KIAA1217: variants seen among roughly 807,000 people sequenced by gnomAD.
KIAA1217 encodes the protein KIAA1217, also known as sickle tail protein homolog.
Under a neutral mutation model 163.9 loss-of-function variants are expected in KIAA1217, and 88 were observed. The ratio of observed to expected loss-of-function variants is 0.54; its 90% CI spans 0.45 to 0.64. The LOEUF is 0.64. KIAA1217 is among the 30% of genes least tolerant of loss of function. KIAA1217 has a pLI of 0.00. For missense variants in KIAA1217, 2,372 were observed against 2,475.0 expected (o/e 0.96, Z 0.88); for synonymous variants, 903 against 923.1 (o/e 0.98, Z 0.39).
rs545721281 is a variant in KIAA1217 at position 24,032,652 on chromosome 10, C to A, written c.-171+25278C>A. Reference sequence around the variant, plus strand: ...TTTCAAAGTAAGTAAGAGGTCATGCCCACTAGAGTCACAAGTATGTAAAGC... The same window carrying A: ...TTTCAAAGTAAGTAAGAGGTCATGCACACTAGAGTCACAAGTATGTAAAGC... On this transcript the variant is annotated intron_variant, in intron 2 of 18. Coordinates refer to the KIAA1217 transcript ENST00000376462. Among the ~76,000 whole-genome samples the A allele has an allele frequency of 4.6e-5, 7 of 152,138 alleles. No homozygotes were observed. The South Asian group carries it at 1.5e-3, about 32-fold the overall frequency.
chr10:24,118,360 CA>C (rs1485575383), intron 2 of KIAA1217, among the ~76,000 whole-genome samples: 1 of 152,146 alleles, frequency 6.6e-6, no homozygotes, highest in African/African-American at 2.4e-5. Flanking sequence ...AGCGCAGAGA[CA>C]GCATATATGG....
chr10:24,529,502 A>G (rs1404612060), intron 14 of KIAA1217, among the ~76,000 whole-genome samples: 1 of 152,064 alleles, frequency 6.6e-6, no homozygotes, highest in East Asian at 1.9e-4. Context: ...ATATATATAT[A>G]TATATTTTTC....
At chr10:24,239,308 G>A (rs2072720285) in intron 2 of KIAA1217, 1 of 985,224 alleles carries the variant, frequency 1.0e-6, no homozygotes, top group Non-Finnish European at 1.2e-6. Flanking sequence ...TGCTTTAACT[G>A]CCGCCTCACC....
chr10:24,236,207 G>C (rs1466518233), intron 2 of KIAA1217, among the ~76,000 whole-genome samples: 2 of 152,078 alleles, frequency 1.3e-5, no homozygotes. Flanking sequence ...TTTTCTACCT[G>C]ACAACTTCCA....
chr10:24,204,887 T>C (rs962223539), upstream of KIAA1217, among the ~76,000 whole-genome samples: 1 of 152,212 alleles, frequency 6.6e-6, no homozygotes, highest in African/African-American at 2.4e-5. Flanking sequence ...AAACAGTTAA[T>C]GTGGAACACA....
intron 2 of KIAA1217, among the ~76,000 whole-genome samples, chr10:24,345,334 A>G (rs996175938): frequency 1.3e-5 from 2 of 152,184 alleles, no homozygotes; most frequent in African/African-American, 2.4e-5. Context: ...ATACGGCAAT[A>G]TTTATCTACG....
chr10:24,141,398 A>T (rs1338398167), intron 2 of KIAA1217, among the ~76,000 whole-genome samples: 1 of 152,130 alleles, frequency 6.6e-6, no homozygotes, highest in Non-Finnish European at 1.5e-5. Flanking sequence ...ACCCAGACAC[A>T]GTGTAATCAC....
intron 2 of KIAA1217, among the ~76,000 whole-genome samples, chr10:24,195,921 C>T (rs1472872740): frequency 6.6e-6 from 1 of 151,892 alleles, no homozygotes; most frequent in Non-Finnish European, 1.5e-5. Context: ...TTGAGGCCAG[C>T]AGTTTGAGAC....
At chr10:24,182,996 C>A (rs927234293) in intron 2 of KIAA1217, among the ~76,000 whole-genome samples, 6 of 152,142 alleles carry the variant, frequency 3.9e-5, no homozygotes, top group African/African-American at 1.4e-4. Context: ...AGATGCAGAT[C>A]CCTTGTGAAA....
At chr10:24,075,161 CACA>C (rs2061330807) in intron 2 of KIAA1217, among the ~76,000 whole-genome samples, 2 of 149,388 alleles carry the variant, frequency 1.3e-5, no homozygotes, top group Non-Finnish European at 2.9e-5. Context: ...CACACACACA[CACA>C]CCCCTTCCTC....
chr10:24,022,116 T>C (rs1310973143), intron 2 of KIAA1217, among the ~76,000 whole-genome samples: 1 of 151,380 alleles, frequency 6.6e-6, no homozygotes, highest in East Asian at 1.9e-4. Context: ...TTTATTAAGA[T>C]GAAAACTCCT....
At chr10:24,187,917 G>T (rs2066519545) in intron 2 of KIAA1217, among the ~76,000 whole-genome samples, 1 of 151,884 alleles carries the variant, frequency 6.6e-6, no homozygotes, top group Non-Finnish European at 1.5e-5. Flanking sequence ...AAGGCAATAG[G>T]CCGGGTGCAG....
chr10:23,971,514 C>T (rs1455406726), intron 1 of KIAA1217, among the ~76,000 whole-genome samples: 2 of 152,182 alleles, frequency 1.3e-5, no homozygotes, highest in Non-Finnish European at 2.9e-5. Flanking sequence ...CCTACAGTAA[C>T]AACTATACCT....
intron 2 of KIAA1217, among the ~76,000 whole-genome samples, chr10:24,024,112 CTAAG>C (rs1469170636): frequency 2.0e-5 from 3 of 151,170 alleles, no homozygotes; most frequent in African/African-American, 7.3e-5. Context: ...TTAAAATCTC[CTAAG>C]TTTTATTTTA....
intron 2 of KIAA1217, among the ~76,000 whole-genome samples, chr10:24,330,485 G>C (rs1313846150): frequency 6.6e-6 from 1 of 152,144 alleles, no homozygotes; most frequent in Non-Finnish European, 1.5e-5. Flanking sequence ...TTTTGATATA[G>C]ATCTGTCATT....
chr10:23,890,363 T>G (rs1841366368), intron 1 of KIAA1217, among the ~76,000 whole-genome samples: 1 of 151,826 alleles, frequency 6.6e-6, no homozygotes, highest in Non-Finnish European at 1.5e-5. Context: ...TCATTTAAAG[T>G]TATAAATTTT....
chr10:24,298,252 G>A (rs1287660610), intron 2 of KIAA1217, among the ~76,000 whole-genome samples: 1 of 151,832 alleles, frequency 6.6e-6, no homozygotes, highest in East Asian at 1.9e-4. Flanking sequence ...TTGTACCTGA[G>A]CATTTGTATA....
chr10:24,141,761 G>A (rs1019281075), intron 2 of KIAA1217, among the ~76,000 whole-genome samples: 1 of 152,108 alleles, frequency 6.6e-6, no homozygotes, highest in Non-Finnish European at 1.5e-5. Flanking sequence ...AGATAAGGCT[G>A]GTCAGAACCA....
Position 24,419,216 on chromosome 10 carries a change from C to T in KIAA1217, c.554-13779C>T, listed in dbSNP as rs549847725. Among the ~76,000 whole-genome samples, 10 of 151,640 alleles carry T rather than the reference C, an allele frequency of 6.6e-5. No homozygotes were observed. In the East Asian group the frequency reaches 1.9e-3, roughly 29 times the overall value. On this transcript the variant is annotated intron_variant, in intron 3 of 20. Transcript: ENST00000376454. ...GAAAGAAAATCTCATTCTTTCTGAC[C>T]TTTGCTCTTTGCTTTCTATAACCAC...
Sources: allele counts gnomAD v4.1 joint callset (sites outside exome capture counted in the v4.1 genomes callset), GRCh38; gene constraint gnomAD v4.1.1; transcripts MANE v1.5; gene names NCBI Gene and HGNC (gene_info 2026-07-23, HGNC 2026-07-21).